The following MYO1C variants were observed in gnomAD, a reference collection of about 807,000 sequenced individuals.
The protein encoded by MYO1C is myosin IC.
MYO1C carries 104 observed loss-of-function variants against 150.8 expected under a neutral mutation model. That is an observed-to-expected ratio of 0.69 (90% CI 0.59 to 0.81). The LOEUF is 0.81. Among genes scored for constraint, MYO1C ranks in the 30% least tolerant of loss-of-function variants. The pLI, the probability that MYO1C is intolerant of heterozygous loss-of-function variation, is 0.00. For missense variants in MYO1C, 1,504 were observed against 1,435.0 expected (o/e 1.05, Z -0.78); for synonymous variants, 663 against 579.9 (o/e 1.14, Z -2.06).
Position 1,472,169 on chromosome 17 carries a change from C to G in MYO1C, c.1857G>C (p.Glu619Asp). 1 of 1,614,144 alleles carries G rather than the reference C, an allele frequency of 6.2e-7. No homozygotes were observed. Among genetic ancestry groups the G allele is most frequent in the Non-Finnish European group, 8.5e-7 (1 of 1,180,012 alleles). ...LQLVEILQSK[E>D]PAYVRCIKPN... ...GTTTGATGCAGCGGACGTAGGCGGG[C>G]TCCTTAGACTGCAGGATCTCCACCA... The change falls in exon 18 of 32, where the codon GAG (glutamate) becomes GAC (aspartate). Residue 619 changes from glutamate to aspartate, a missense_variant. Coordinates refer to ENST00000648651, the MANE Select transcript of MYO1C (RefSeq NM_001080779.2).
intron 24 of MYO1C, 52 bp downstream of exon 24, chr17:1,470,123 C>G: frequency 1.3e-6 from 2 of 1,556,916 alleles, no homozygotes; most frequent in Non-Finnish European, 1.7e-6. Context: ...AAATCAGACC[C>G]TTCTGCTGTG....
At chr17:1,484,600 G>C in intron 1 of MYO1C, 1 of 552,782 alleles carries the variant, frequency 1.8e-6, no homozygotes, top group Non-Finnish European at 3.3e-6. Context: ...ACAGGGCATG[G>C]ACGCAGGCAG....
At position 1,474,922 on chromosome 17, in the gene MYO1C, G is replaced by A. The variant is rs896772845; in HGVS notation, c.1669+16C>T. On this transcript the variant is annotated intron_variant, in intron 15 of 31. Transcript: ENST00000648651. ...CCCCGCAGGCCCCTGTGGGGACACA[G>A]CCCCAGGATCCTCACCGGTCACGCT... 5.6e-6 allele frequency: 9 copies of A among 1,608,958 alleles called. No homozygotes were observed. In the African/African-American group the frequency reaches 8.0e-5, roughly 14 times the overall value.
Position 1,492,363 on chromosome 17 carries a change from C to G in MYO1C, c.75+50G>C, listed in dbSNP as rs56374015. 413 of 1,548,936 alleles carry G rather than the reference C, an allele frequency of 2.7e-4. 1 individual carries two copies. Among genetic ancestry groups the G allele is most frequent in the Non-Finnish European group, 3.2e-4 (371 of 1,141,994 alleles). ...GCTCGCCTGAGAGGGGCTGCCCGGC[C>G]TTGGGGAGACGCTCCCACCCTCCTC... On this transcript the variant is annotated intron_variant, in intron 1 of 31. Transcript: ENST00000648651.
In MYO1C at chr17:1,479,355, G is replaced by T; in HGVS notation, c.1092+76C>A. On this transcript the variant is annotated intron_variant, in intron 9 of 31. Coordinates refer to ENST00000648651, the MANE Select transcript of MYO1C (RefSeq NM_001080779.2). This position sits in a 1 kb window ranked among gnomAD's most constrained non-coding sequence, Gnocchi z 4.2. The stretch of plus-strand genomic sequence containing the variant: ...TCCAGCATTGCTGAGGGAACCAGGC[G>T]AAGGGGAGTGATGGGAGTAGGGGCT... 1 of 795,252 alleles carries T rather than the reference G, an allele frequency of 1.3e-6. No individual in the cohort carries two copies. Among genetic ancestry groups the T allele is most frequent in the East Asian group, 2.7e-5 (1 of 37,646 alleles). The allele number at this position is 795,252 out of a possible 1,614,324, so 49.3% of individuals were successfully genotyped here.
Position 1,464,197 on chromosome 17 carries a change from G to A in MYO1C, c.*1529C>T, listed in dbSNP as rs774689703. On this transcript the variant is annotated 3_prime_UTR_variant, in exon 32 of 32. Transcript: ENST00000648651. ...ATAAGGAGACCACATTGGCAAACAC[G>A]TATTGCTTTATTTAGTGTTTCTCTG... 6 of 152,664 alleles carry A rather than the reference G, an allele frequency of 3.9e-5. No individual in the cohort carries two copies. Among genetic ancestry groups the A allele is most frequent in the African/African-American group, 9.6e-5 (4 of 41,460 alleles). The allele number at this position is 152,664 out of a possible 1,614,324, so 9.5% of individuals were successfully genotyped here.
chr17:1,482,650 C>G, intron 4 of MYO1C, 92 bp from the exon 5 acceptor site: 1 of 1,094,388 alleles, frequency 9.1e-7, no homozygotes, highest in Non-Finnish European at 1.3e-6. Flanking sequence ...TCCCCTCCCG[C>G]ACTGGGCTTC....
At position 1,478,651 on chromosome 17, in the gene MYO1C, G is replaced by A. The variant is rs1355547156; in HGVS notation, c.1177C>T (p.Leu393Phe). Residue 393 changes from leucine to phenylalanine, a missense_variant, in exon 10 of 32, where the codon CTC (leucine) becomes TTC (phenylalanine). Coordinates refer to ENST00000648651, the MANE Select transcript of MYO1C (RefSeq NM_001080779.2). This position sits in a 1 kb window ranked among gnomAD's most constrained non-coding sequence, Gnocchi z 6.3. ...AGCGACCTGTTGATCTTCCCGACGA[G>A]CCAGGTAAAAGTGCGGCTGTACACA... ...KAVYSRTFTW[L>F]VGKINRSLAS... is the part of the protein sequence containing the mutation. The A allele has an allele frequency of 3.1e-6, 5 of 1,614,182 alleles. No homozygotes were observed. The highest frequency in any genetic ancestry group is 1.6e-4 in the Middle Eastern group (1 of 6,062).
chr17:1,477,651 G>A (rs2074427118), intron 13 of MYO1C, 55 bp from the exon 14 acceptor site: 4 of 1,397,332 alleles, frequency 2.9e-6, no homozygotes, highest in South Asian at 2.3e-5. Context: ...AGAGCGCACA[G>A]AGGATTGGGG....
chr17:1,484,640 GT>G, intron 1 of MYO1C: 1 of 495,730 alleles, frequency 2.0e-6, no homozygotes, highest in Non-Finnish European at 3.7e-6. Flanking sequence ...GGAGGTGCTG[GT>G]TTTGGGTGGA....
At chr17:1,488,445 T>C in intron 1 of MYO1C, among the ~76,000 whole-genome samples, 1 of 152,246 alleles carries the variant, frequency 6.6e-6, no homozygotes, top group East Asian at 1.9e-4. Flanking sequence ...CGGCTGAGGC[T>C]GCAGCGCCAG....
At chr17:1,475,955 A>C (rs2150947721) in intron 14 of MYO1C, among the ~76,000 whole-genome samples, 1 of 152,290 alleles carries the variant, frequency 6.6e-6, no homozygotes, top group African/African-American at 2.4e-5. Context: ...CAAGTTCTCG[A>C]CTACGAAAAA....
chr17:1,483,061 T>TG lies in MYO1C; in HGVS notation c.348-3dup, dbSNP rs375911938. The stretch of plus-strand genomic sequence containing the variant: ...TACACAGTGTCCGCCACGGCAAACC[T>TG]GGGGCGGAGGCTCGTCAGGGAGTTT... On this transcript the variant is annotated splice_region_variant and splice_polypyrimidine_tract_variant and intron_variant, in intron 3 of 31. Transcript: ENST00000648651. The TG allele has an allele frequency of 5.1e-5, 81 of 1,599,704 alleles. 1 individual carries two copies. In the East Asian group the frequency reaches 1.6e-3, roughly 31 times the overall value.
At chr17:1,483,149 T>C in intron 3 of MYO1C, 90 bp from the exon 4 acceptor site, 1 of 1,317,636 alleles carries the variant, frequency 7.6e-7, no homozygotes, top group Non-Finnish European at 1.0e-6. Flanking sequence ...GGAGTCCTCT[T>C]GTGGGAGTCG....
At chr17:1,468,344 G>T (rs377127109) in intron 26 of MYO1C, 36 bp from the exon 27 acceptor site, 50 of 1,613,786 alleles carry the variant, frequency 3.1e-5, no homozygotes, top group Non-Finnish European at 4.0e-5. Context: ...AGTCAGTGGA[G>T]GCAATGGGGG....
In MYO1C at chr17:1,485,123, A is replaced by C. The variant is rs554946089; in HGVS notation, c.76-820T>G. 1.2e-4 allele frequency: 147 copies of C among 1,215,080 alleles called. No individual in the cohort carries two copies. The African/African-American group carries it at 2.2e-3, about 19-fold the overall frequency. 75.3% of individuals were successfully genotyped at this position (1,215,080 alleles called of 1,614,324 possible). A position where few individuals can be genotyped will look rare whatever the true frequency, so the allele number is the denominator to read the frequency against. On this transcript the variant is annotated intron_variant, in intron 1 of 31. Coordinates refer to ENST00000648651, the MANE Select transcript of MYO1C (RefSeq NM_001080779.2). ...AGCCTCAGGGGATGGGGGCTTTACC[A>C]TGGAAAGCCCAGCTGCCTCTGGGTC... is the stretch of plus-strand genomic sequence containing the variant.
chr17:1,469,378 C>T, intron 25 of MYO1C, 153 bp downstream of exon 25: 2 of 593,224 alleles, frequency 3.4e-6, no homozygotes, highest in Non-Finnish European at 6.0e-6. Flanking sequence ...ATAGAGTAGA[C>T]CAGGGTAAAT....
chr17:1,474,986 C>T lies in MYO1C; in HGVS notation c.1621G>A (p.Glu541Lys). ...CCCGCATAGTGCAGAAGGCGGAATT[C>T]CCCTCGGCCCAGAGATTTCCTGGTC... is the stretch of plus-strand genomic sequence containing the variant. ...QRTRKSLGRG[E>K]FRLLHYAGEV... is the part of the protein sequence containing the mutation. The change falls in exon 15 of 32, where the codon GAA (glutamate) becomes AAA (lysine). Residue 541 changes from glutamate (E) to lysine (K), a missense_variant. By Grantham distance (56) the Glu-to-Lys change is moderately conservative (BLOSUM62 1). Transcript: ENST00000648651. The T allele has an allele frequency of 6.4e-7, 1 of 1,558,454 alleles. No homozygotes were observed. The highest frequency in any genetic ancestry group is 8.7e-7 in the Non-Finnish European group (1 of 1,150,646).
At chr17:1,481,865 G>C (rs2074530011) in intron 5 of MYO1C, among the ~76,000 whole-genome samples, 1 of 151,338 alleles carries the variant, frequency 6.6e-6, no homozygotes, top group East Asian at 1.9e-4. Context: ...AACCCAAAAG[G>C]GCCTGCACCG....
Sources: allele counts gnomAD v4.1 joint callset (sites outside exome capture counted in the v4.1 genomes callset), GRCh38; gene constraint gnomAD v4.1.1; non-coding constraint Gnocchi (gnomAD v3.1); transcripts MANE v1.5; gene names NCBI Gene and HGNC (gene_info 2026-07-23, HGNC 2026-07-21).